NR2E1: variants seen among roughly 807,000 people sequenced by gnomAD.
NR2E1 encodes the protein nuclear receptor TLX.
In NR2E1, 5 loss-of-function variants were observed where a neutral mutation model predicts 43.6. The observed-to-expected ratio is 0.11, with a 90% CI of 0.06 to 0.24. The LOEUF (loss-of-function observed/expected upper bound fraction) is 0.24, where lower values mean the gene tolerates loss of function less well. Among genes scored for constraint, NR2E1 ranks in the 10% least tolerant of loss-of-function variants. The probability of loss-of-function intolerance (pLI) is 1.00; values close to 1 mark genes in which losing one functional copy is unlikely to be tolerated. For synonymous variants in NR2E1, 191 were observed against 195.5 expected, an observed-to-expected ratio of 0.98 and a Z score of 0.19; for missense variants, 287 against 496.7, an observed-to-expected ratio of 0.58 and a Z score of 4.01.
At chr6:108,167,597 C>T (rs182226050) in intron 1 of NR2E1, among the ~76,000 whole-genome samples, 5 of 152,200 alleles carry the variant, frequency 3.3e-5, no homozygotes, top group Admixed American at 2.6e-4. Flanking sequence ...TGTGCAGGCC[C>T]GAGCCAGCGT....
intron 1 of NR2E1, among the ~76,000 whole-genome samples, chr6:108,170,205 C>A (rs971330823): frequency 1.3e-5 from 2 of 152,128 alleles, no homozygotes; most frequent in South Asian, 2.1e-4. Context: ...CAGCAGCTGT[C>A]GAATTTCAGG....
chr6:108,173,674 A>G (rs1056242224), intron 2 of NR2E1, among the ~76,000 whole-genome samples: 1 of 152,256 alleles, frequency 6.6e-6, no homozygotes, highest in African/African-American at 2.4e-5. Context: ...CAAAATAAAA[A>G]TACATTTATT....
At chr6:108,167,566 C>T (rs1773730358) in intron 1 of NR2E1, among the ~76,000 whole-genome samples, 5 of 152,082 alleles carry the variant, frequency 3.3e-5, no homozygotes, top group Admixed American at 3.3e-4. Context: ...TTGCTTGCAC[C>T]CTGCCTGCGG....
At chr6:108,171,181 C>T (rs755504520) in intron 1 of NR2E1, among the ~76,000 whole-genome samples, 2 of 152,316 alleles carry the variant, frequency 1.3e-5, no homozygotes, top group East Asian at 3.9e-4. Flanking sequence ...CTGCTGTCAT[C>T]TTTTATTCCA....
At chr6:108,185,910 C>G (rs1562407768) in intron 8 of NR2E1, among the ~76,000 whole-genome samples, 1 of 152,148 alleles carries the variant, frequency 6.6e-6, no homozygotes, top group Non-Finnish European at 1.5e-5. Flanking sequence ...AGTGGTTTCT[C>G]ACCACGGGAA....
At chr6:108,170,128 C>T (rs377757731) in intron 1 of NR2E1, among the ~76,000 whole-genome samples, 1,867 of 152,198 alleles carry the variant, frequency 0.012, 34 homozygotes, top group Middle Eastern at 0.061. Context: ...CTCCCCTCGC[C>T]CAGACGTTCC....
chr6:108,176,858 G>GGC (rs1357706739), intron 4 of NR2E1, 120 bp downstream of exon 4: 10 of 967,542 alleles, frequency 1.0e-5, no homozygotes, highest in Non-Finnish European at 1.4e-5. Flanking sequence ...CAGGGTGCTT[G>GGC]GCGGGTCTCT....
At position 108,180,327 on chromosome 6, in the gene NR2E1, T is replaced by A; in HGVS notation, c.647T>A (p.Met216Lys). 6.2e-7 allele frequency: 1 copy of A among 1,604,284 alleles called. No individual in the cohort carries two copies. The highest frequency in any genetic ancestry group is 8.5e-7 in the Non-Finnish European group (1 of 1,171,132). ...FSTLSLQDQL[M>K]LLEDAWRELF... is the part of the protein sequence containing the mutation. ...TATACATCTATTGTATGACAGCTGA[T>A]GCTTTTGGAAGATGCTTGGAGAGAA... The change falls in exon 6 of 9, where the codon ATG (methionine) becomes AAG (lysine). Residue 216 changes from methionine (M) to lysine (K), a missense_variant. Transcript: ENST00000368986. The surrounding 1 kb of genome is among the most constrained non-coding windows in gnomAD (Gnocchi z 5.4).
At position 108,169,392 on chromosome 6, in the gene NR2E1, G is replaced by A. The variant is rs1243740553; in HGVS notation, c.26-2066G>A. Among the ~76,000 whole-genome samples the A allele has an allele frequency of 6.6e-6, 1 of 152,208 alleles. No homozygotes were observed. Among genetic ancestry groups the A allele is most frequent in the African/African-American group, 2.4e-5 (1 of 41,458 alleles). ...CTCCACCCTCATCGGGTTCTCCAGA[G>A]ATGTTGTCATGGGCCTCCTGTCCGG... On this transcript the variant is annotated intron_variant, in intron 1 of 8. Coordinates refer to ENST00000368986, the MANE Select transcript of NR2E1 (RefSeq NM_003269.5). This position sits in a 1 kb window ranked among gnomAD's most constrained non-coding sequence, Gnocchi z 6.1.
rs753579874 is a variant in NR2E1, at chr6:108,180,785, T to G, written c.740-22T>G. Reference sequence around the variant, plus strand: ...TGAAAATGCCTTCATATTAGAGTATTTATCCCATATTTTTATTCTAGGCAT... The same window carrying G: ...TGAAAATGCCTTCATATTAGAGTATGTATCCCATATTTTTATTCTAGGCAT... On this transcript the variant is annotated intron_variant, in intron 6 of 8. Coordinates refer to ENST00000368986, the MANE Select transcript of NR2E1 (RefSeq NM_003269.5). This position sits in a 1 kb window ranked among gnomAD's most constrained non-coding sequence, Gnocchi z 5.4. 4 of 1,611,120 alleles carry G rather than the reference T, an allele frequency of 2.5e-6. No individual in the cohort carries two copies. In the Admixed American group the frequency reaches 6.7e-5, roughly 27 times the overall value.
At chr6:108,185,767 C>T (rs1343387004) in intron 8 of NR2E1, among the ~76,000 whole-genome samples, 2 of 152,196 alleles carry the variant, frequency 1.3e-5, no homozygotes, top group Middle Eastern at 3.2e-3. Context: ...GACTGACTAA[C>T]CAACCCTTTC....
chr6:108,181,636 G>T lies in NR2E1; in HGVS notation c.980G>T (p.Ser327Ile), dbSNP rs767498322. Reference protein sequence around the residue: ...LQDEAQLTLNSYIHTRYPTQP... With the variant: ...LQDEAQLTLNIYIHTRYPTQP... ...GATGAGGCTCAGCTAACGCTCAACAGCTACATCCATACCAGGTGACCCTTG... is the reference window on the plus strand; with the variant it reads ...GATGAGGCTCAGCTAACGCTCAACATCTACATCCATACCAGGTGACCCTTG... The change falls in exon 8 of 9, where the codon AGC becomes ATC. Residue 327 changes from serine (S) to isoleucine (I), a missense_variant. By Grantham distance (142) the Ser-to-Ile change is moderately radical. This residue lies in a region of NR2E1 where 119 missense variants were observed against 187.0 expected (regional missense o/e 0.64). Transcript: ENST00000368986. The T allele has an allele frequency of 6.2e-7, 1 of 1,614,090 alleles. No homozygotes were observed. The highest frequency in any genetic ancestry group is 8.5e-7 in the Non-Finnish European group (1 of 1,179,920).
chr6:108,166,533 C>G lies in NR2E1; in HGVS notation c.-233C>G. The G allele has an allele frequency of 2.0e-6, 1 of 499,424 alleles. No individual in the cohort carries two copies. The highest frequency in any genetic ancestry group is 3.5e-6 in the Non-Finnish European group (1 of 287,438). The allele number at this position is 499,424 out of a possible 1,614,324, so 30.9% of individuals were successfully genotyped here. A position where few individuals can be genotyped will look rare whatever the true frequency, so the allele number is the denominator to read the frequency against. ...CCATATCAAGCAGCATTCCCAGCAG[C>G]TGCGGTTTTGCAAGAGCCGGGAAGA... On this transcript the variant is annotated 5_prime_UTR_variant, in exon 1 of 9. Coordinates refer to ENST00000368986, the MANE Select transcript of NR2E1 (RefSeq NM_003269.5). This position sits in a 1 kb window ranked among gnomAD's most constrained non-coding sequence, Gnocchi z 7.2.
At chr6:108,168,185 T>C (rs1251148710) in intron 1 of NR2E1, 1 of 1,567,288 alleles carries the variant, frequency 6.4e-7, no homozygotes, top group African/African-American at 1.4e-5. Flanking sequence ...CGATTTTTGT[T>C]GCCCGCATTC....
intron 8 of NR2E1, among the ~76,000 whole-genome samples, chr6:108,184,448 C>A (rs1404802500): frequency 6.6e-6 from 1 of 152,156 alleles, no homozygotes; most frequent in Non-Finnish European, 1.5e-5. Context: ...GCAGCAGTGT[C>A]ACTCCAATCC....
intron 8 of NR2E1, among the ~76,000 whole-genome samples, chr6:108,182,241 CAAA>C (rs766203121): frequency 9.4e-5 from 7 of 74,298 alleles, no homozygotes; most frequent in Admixed American, 2.7e-4. Context: ...GACTCCGTCT[CAAA>C]AAAAAAAAAA....
intron 8 of NR2E1, among the ~76,000 whole-genome samples, chr6:108,186,763 C>A (rs751900918): frequency 6.6e-6 from 1 of 152,108 alleles, no homozygotes; most frequent in Non-Finnish European, 1.5e-5. Context: ...GGCACTGCCA[C>A]CCAACAGAAC....
chr6:108,170,074 C>A (rs1773785502), intron 1 of NR2E1, among the ~76,000 whole-genome samples: 2 of 151,658 alleles, frequency 1.3e-5, no homozygotes, highest in Middle Eastern at 3.4e-3. Flanking sequence ...TTTACACCTG[C>A]GGTGCCTCGA....
chr6:108,176,690 C>T lies in NR2E1; in HGVS notation c.447C>T (p.Thr149=), dbSNP rs1266665615. The T allele has an allele frequency of 3.1e-6, 5 of 1,596,810 alleles. No individual in the cohort carries two copies. Among genetic ancestry groups the T allele is most frequent in the Non-Finnish European group, 4.3e-6 (5 of 1,175,366 alleles). ...GCCTGGAGCTGGCCGCGGTGTCCAC[C>T]ACTCCAGAGCGGCAGACCCTCGTGA... ...PHGLELAAVS[T]TPERQTLVSL... is the part of the protein sequence containing the mutation. Residue 149 remains threonine (T), a synonymous_variant, in exon 4 of 9, where the codon ACC becomes ACT. Transcript: ENST00000368986.
Sources: gnomAD v4.1 joint callset for allele counts (sites outside exome capture counted in the v4.1 genomes callset) on GRCh38, gnomAD v4.1.1 for gene constraint, gnomAD v4.1.1 regional missense constraint, Gnocchi (gnomAD v3.1) non-coding constraint, MANE v1.5 for transcripts, NCBI Gene and HGNC (gene_info 2026-07-23, HGNC 2026-07-21) for gene names.